The following SPAG11A variants were observed in gnomAD, a reference collection of about 807,000 sequenced individuals.
SPAG11A encodes the protein sperm-associated antigen 11A.
In SPAG11A, 2 loss-of-function variants were observed where a neutral mutation model predicts 5.5. The ratio of observed to expected loss-of-function variants is 0.37; its 90% CI spans 0.15 to 1.15. The LOEUF (loss-of-function observed/expected upper bound fraction) is 1.15. Ranked by LOEUF, SPAG11A falls within the 50% of genes most tolerant of loss-of-function variation. The pLI is 0.38. For missense variants in SPAG11A, 24 were observed against 122.5 expected (o/e 0.20, Z 3.80); for synonymous variants, 11 against 42.7 (o/e 0.26, Z 2.90).
Position 7,860,382 on chromosome 8 carries a change from T to C in SPAG11A, c.215-264T>C. On this transcript the variant is annotated intron_variant, in intron 2 of 2. Coordinates refer to ENST00000642566, the Ensembl canonical transcript of SPAG11A. ...TCACCAGGAGGCTCGAGGACCCTCA[T>C]TTAAGATCTGCGTGGGCTTTTTAGG... is the stretch of plus-strand genomic sequence containing the variant. 3.5e-6 allele frequency: 5 copies of C among 1,430,156 alleles called. 1 individual carries two copies. The highest frequency in any genetic ancestry group is 1.8e-4 in the Middle Eastern group (1 of 5,530). 88.6% of individuals were successfully genotyped at this position (1,430,156 alleles called of 1,614,324 possible).
At chr8:7,852,321 T>G (rs1316021104) in intron 2 of SPAG11A, among the ~76,000 whole-genome samples, 3 of 96,680 alleles carry the variant, frequency 3.1e-5, no homozygotes, top group African/African-American at 1.2e-4. Flanking sequence ...CTCTTTTTTC[T>G]TTTTTTTTTG....
chr8:7,852,962 G>A (rs1372506779), intron 2 of SPAG11A, among the ~76,000 whole-genome samples: 3 of 23,190 alleles, frequency 1.3e-4, no homozygotes, highest in Non-Finnish European at 2.6e-4. Flanking sequence ...CTTTCTCAAC[G>A]TGTGACTTTC....
chr8:7,860,505 G>A lies in SPAG11A; in HGVS notation c.215-141G>A, dbSNP rs1411473395. ...ATCGTTCCTGTTTTAAAGCTAAGAG[G>A]CCAAAGTTCGGTTAAACTGGGGCTT... On this transcript the variant is annotated intron_variant, in intron 2 of 2. Transcript: ENST00000642566. 2.8e-5 allele frequency: 38 copies of A among 1,355,602 alleles called. 3 individuals are homozygous for A. The highest frequency in any genetic ancestry group is 2.3e-4 in the African/African-American group (16 of 69,436). 84.0% of individuals were successfully genotyped at this position (1,355,602 alleles called of 1,614,324 possible).
At chr8:7,858,272 C>A (rs1287896410) in intron 2 of SPAG11A, among the ~76,000 whole-genome samples, 16 of 116,504 alleles carry the variant, frequency 1.4e-4, no homozygotes, top group African/African-American at 4.2e-4. Flanking sequence ...CAGCTTTATC[C>A]ACTGTGTGTT....
intron 2 of SPAG11A, among the ~76,000 whole-genome samples, chr8:7,852,545 C>T (rs1375202498): frequency 1.3e-5 from 2 of 152,002 alleles, no homozygotes; most frequent in African/African-American, 4.8e-5. Context: ...GTTGATCAGG[C>T]TGGTCTCAAA....
At chr8:7,852,967 A>T (rs1421834808) in intron 2 of SPAG11A, among the ~76,000 whole-genome samples, 6 of 21,568 alleles carry the variant, frequency 2.8e-4, no homozygotes, top group African/African-American at 5.0e-4. Context: ...TCAACGTGTG[A>T]CTTTCTCATG....
intron 2 of SPAG11A, among the ~76,000 whole-genome samples, chr8:7,852,308 A>G (rs1301898305): frequency 2.0e-5 from 3 of 152,134 alleles, no homozygotes; most frequent in Non-Finnish European, 2.9e-5. Context: ...TTACTACTTT[A>G]TTCTCTTTTT....
At chr8:7,860,282 G>T in intron 2 of SPAG11A, 3 of 1,371,746 alleles carry the variant, frequency 2.2e-6, no homozygotes, top group Non-Finnish European at 9.8e-7. Flanking sequence ...AATTTCCTTA[G>T]AGACCAAGAC....
chr8:7,858,593 A>G (rs1334417653), intron 2 of SPAG11A, among the ~76,000 whole-genome samples: 2 of 91,288 alleles, frequency 2.2e-5, no homozygotes, highest in Non-Finnish European at 2.8e-5. Context: ...TTTTTCTTTC[A>G]GCATAGCGTT....
At position 7,860,313 on chromosome 8, in the gene SPAG11A, T is replaced by C. The variant is rs1337384128; in HGVS notation, c.215-333T>C. 3 of 1,420,502 alleles carry C rather than the reference T, an allele frequency of 2.1e-6. No individual in the cohort carries two copies. In the South Asian group the frequency reaches 4.2e-5, roughly 20 times the overall value. The allele number at this position is 1,420,502 out of a possible 1,614,324, so 88.0% of individuals were successfully genotyped here. A position where few individuals can be genotyped will look rare whatever the true frequency, so the allele number is the denominator to read the frequency against. ...AAGACCTGTCCTATTCTGGACCACT[T>C]CTGTTTTCCAAAACTCCCTTTGTTT... On this transcript the variant is annotated intron_variant, in intron 2 of 2. Transcript: ENST00000642566.
chr8:7,851,999 T>C (rs1817937566), intron 2 of SPAG11A, among the ~76,000 whole-genome samples: 1 of 120,206 alleles, frequency 8.3e-6, no homozygotes, highest in African/African-American at 3.1e-5. Context: ...ATGCCTGGGA[T>C]AGGGATTGTG....
chr8:7,863,531 G>T (rs1246225812), downstream of SPAG11A: 1 of 1,603,646 alleles, frequency 6.2e-7, no homozygotes, highest in Non-Finnish European at 8.5e-7. Context: ...CAACGCTGTG[G>T]ATAAGGAGAG....
chr8:7,857,671 T>A (rs1279120385), intron 2 of SPAG11A, among the ~76,000 whole-genome samples: 1 of 89,286 alleles, frequency 1.1e-5, no homozygotes, highest in African/African-American at 3.0e-5. Context: ...AGTGCCCAAT[T>A]TTCCCTAAAG....
chr8:7,859,779 G>C (rs1362031294), intron 2 of SPAG11A, among the ~76,000 whole-genome samples: 2 of 98,736 alleles, frequency 2.0e-5, no homozygotes, highest in African/African-American at 6.3e-5. Context: ...CCAGTTAAAT[G>C]AGTTGTCTAA....
intron 2 of SPAG11A, among the ~76,000 whole-genome samples, chr8:7,857,449 T>C (rs1254985293): frequency 2.3e-5 from 2 of 85,538 alleles, no homozygotes; most frequent in East Asian, 6.4e-4. Flanking sequence ...CTTTCTTTTT[T>C]TTTTTTTTTT....
intron 2 of SPAG11A, among the ~76,000 whole-genome samples, chr8:7,857,443 C>CTTTTTTTTTT (rs746499721): frequency 2.2e-5 from 1 of 44,688 alleles, no homozygotes; most frequent in African/African-American, 6.2e-5. Flanking sequence ...TTCTTTCTTT[C>CTTTTTTTTTT]TTTTTTTTTT....
At chr8:7,863,617 G>T, downstream of SPAG11A, 1 of 1,592,114 alleles carries the variant, frequency 6.3e-7, no homozygotes, top group Non-Finnish European at 8.6e-7. Context: ...GGCTTCAGAG[G>T]CCAGGAGGCA....
intron 2 of SPAG11A, among the ~76,000 whole-genome samples, chr8:7,858,632 ATCT>A (rs1320053240): frequency 8.7e-5 from 7 of 80,684 alleles, no homozygotes; most frequent in African/African-American, 1.6e-4. Flanking sequence ...TGTTGTACAC[ATCT>A]TCTTGTTTTT....
intron 2 of SPAG11A, among the ~76,000 whole-genome samples, chr8:7,852,705 CAATT>C (rs1335209938): frequency 6.7e-6 from 1 of 150,052 alleles, no homozygotes; most frequent in Non-Finnish European, 1.5e-5. Context: ...TTTCCTCCAT[CAATT>C]ATCTTCCCTT....
Sources: gnomAD v4.1 joint callset for allele counts (sites outside exome capture counted in the v4.1 genomes callset) on GRCh38, gnomAD v4.1.1 for gene constraint, MANE v1.5 for transcripts, NCBI Gene and HGNC (gene_info 2026-07-23, HGNC 2026-07-21) for gene names.